The following NF1 variants were observed in gnomAD, a reference collection of about 807,000 sequenced individuals.
The protein encoded by NF1 is neurofibromin.
A neutral mutation model predicts 325.7 loss-of-function variants in NF1; 122 were observed. That is an observed-to-expected ratio of 0.37 (90% CI 0.32 to 0.44). The LOEUF is 0.44. Ranked by LOEUF, NF1 falls within the 20% of genes least tolerant of loss-of-function variation. NF1 has a pLI of 1.00. For synonymous variants in NF1, 1,091 were observed against 1,186.0 expected, an observed-to-expected ratio of 0.92 and a Z score of 1.65; for missense variants, 2,140 against 3,415.4, an observed-to-expected ratio of 0.63 and a Z score of 9.31.
At chr17:31,249,332 T>C (rs2067454946) in intron 30 of NF1, among the ~76,000 whole-genome samples, 1 of 152,234 alleles carries the variant, frequency 6.6e-6, no homozygotes, top group African/African-American at 2.4e-5. Flanking sequence ...TACTTTAAAA[T>C]ACTAAATTTT....
chr17:31,330,425 G>A lies in NF1; in HGVS notation c.5739G>A (p.Lys1913=), dbSNP rs768049324. ...CCCTCTTTATTGTCTCTATTAGTAA[G>A]ACACTGGCAGCCAATGAGCCACACC... ...NNTLFIVSIS[K]TLAANEPHLT... The change falls in exon 39 of 58, where the codon AAG becomes AAA. Residue 1913 remains lysine (K), a synonymous_variant. Transcript: ENST00000358273. 1 of 1,613,954 alleles carries A rather than the reference G, an allele frequency of 6.2e-7. No homozygotes were observed. Among genetic ancestry groups the A allele is most frequent in the South Asian group, 1.1e-5 (1 of 91,074 alleles).
chr17:31,134,390 GA>G (rs1163532690), intron 1 of NF1, among the ~76,000 whole-genome samples: 31 of 152,170 alleles, frequency 2.0e-4, no homozygotes, highest in Middle Eastern at 3.4e-3. Flanking sequence ...ATATGAATAT[GA>G]AACATGTTAT....
chr17:31,206,949 A>C (rs1464501294), intron 12 of NF1, among the ~76,000 whole-genome samples: 1 of 152,194 alleles, frequency 6.6e-6, no homozygotes, highest in African/African-American at 2.4e-5. Flanking sequence ...GGGTATTCTC[A>C]CAGATTATTA....
chr17:31,297,766 T>C (rs569277429), intron 36 of NF1, among the ~76,000 whole-genome samples: 1 of 152,326 alleles, frequency 6.6e-6, no homozygotes, highest in Admixed American at 6.5e-5. Context: ...GTGATTATTA[T>C]GTTTAATCAG....
chr17:31,164,425 A>G (rs1284735535), intron 4 of NF1, among the ~76,000 whole-genome samples: 1 of 152,204 alleles, frequency 6.6e-6, no homozygotes, highest in Non-Finnish European at 1.5e-5. Flanking sequence ...TATGCACATG[A>G]TTTGCCTTTC....
Position 31,336,597 on chromosome 17 carries a change from T to TG in NF1, c.6148-38_6148-37insG. ...TTGTGCTAAAACTTTGAGTCCCATG[T>TG]TTTTTTTTTTAAAAAAAAAAATCCT... On this transcript the variant is annotated intron_variant, in intron 41 of 57. Transcript: ENST00000358273. This position sits in a 1 kb window ranked among gnomAD's most constrained non-coding sequence, Gnocchi z 5.5. The TG allele has an allele frequency of 1.4e-6, 1 of 724,036 alleles. No homozygotes were observed. The highest frequency in any genetic ancestry group is 1.9e-6 in the Non-Finnish European group (1 of 513,526). The allele number at this position is 724,036 out of a possible 1,614,324, so 44.9% of individuals were successfully genotyped here. A position where few individuals can be genotyped will look rare whatever the true frequency, so the allele number is the denominator to read the frequency against.
intron 1 of NF1, among the ~76,000 whole-genome samples, chr17:31,116,500 A>G (rs896189572): frequency 8.5e-5 from 13 of 152,074 alleles, no homozygotes; most frequent in African/African-American, 2.9e-4. Context: ...CTGCTTAAGG[A>G]TAGAGGAAAT....
At chr17:31,149,291 T>TACACAC (rs796806933) in intron 1 of NF1, among the ~76,000 whole-genome samples, 3 of 147,198 alleles carry the variant, frequency 2.0e-5, no homozygotes, top group African/African-American at 5.0e-5. Context: ...CACACACACA[T>TACACAC]ACACACACAC....
At chr17:31,310,435 G>A (rs917852350) in intron 36 of NF1, among the ~76,000 whole-genome samples, 14 of 151,874 alleles carry the variant, frequency 9.2e-5, no homozygotes, top group Admixed American at 8.5e-4. Context: ...GTTGGGGGTG[G>A]GGGGAGATGA....
intron 1 of NF1, among the ~76,000 whole-genome samples, chr17:31,105,820 T>C (rs1218084927): frequency 1.3e-5 from 2 of 152,176 alleles, no homozygotes; most frequent in Non-Finnish European, 2.9e-5. Flanking sequence ...GGCTGAGAAC[T>C]TAACTTTTTC....
At chr17:31,116,470 C>G (rs1913924375) in intron 1 of NF1, among the ~76,000 whole-genome samples, 1 of 152,046 alleles carries the variant, frequency 6.6e-6, no homozygotes, top group Non-Finnish European at 1.5e-5. Flanking sequence ...CGTAATCTAA[C>G]TAGGACCTGT....
intron 36 of NF1, among the ~76,000 whole-genome samples, chr17:31,291,005 GAAATAAATAAATAAAT>G (rs35278712): frequency 9.4e-5 from 14 of 149,232 alleles, no homozygotes; most frequent in African/African-American, 2.5e-4. Context: ...GACTCTGTAT[GAAATAAATAAATAAAT>G]AAATAAATAA....
Position 31,142,983 on chromosome 17 carries a change from G to A in NF1, c.61-13000G>A, listed in dbSNP as rs754376100. Among the ~76,000 whole-genome samples, 44 of 152,098 alleles carry A rather than the reference G, an allele frequency of 2.9e-4. 2 individuals are homozygous for A. The highest frequency in any genetic ancestry group is 1.4e-3 in the Admixed American group (22 of 15,288). On this transcript the variant is annotated intron_variant, in intron 1 of 57. Coordinates refer to ENST00000358273, the MANE Select transcript of NF1 (RefSeq NM_001042492.3). ...TTTCCAATAAATATTCTTATTAATA[G>A]GCAAGACAACCTGATCTGTTAGTTA... is the stretch of plus-strand genomic sequence containing the variant.
At position 31,206,823 on chromosome 17, in the gene NF1, G is replaced by A. The variant is rs149403320; in HGVS notation, c.1392+452G>A. Among the ~76,000 whole-genome samples the A allele has an allele frequency of 7.9e-5, 12 of 152,120 alleles. No individual in the cohort carries two copies. The East Asian group carries it at 9.7e-4, about 12-fold the overall frequency. Reference sequence around the variant, plus strand: ...GAAATGAATAAAATTTAGAGTTTTTGTATTTAAAATAAAAATATTTTGTAT... The same window carrying A: ...GAAATGAATAAAATTTAGAGTTTTTATATTTAAAATAAAAATATTTTGTAT... On this transcript the variant is annotated intron_variant, in intron 12 of 57. Transcript: ENST00000358273.
At chr17:31,101,589 C>G (rs1912346449) in intron 1 of NF1, among the ~76,000 whole-genome samples, 1 of 152,182 alleles carries the variant, frequency 6.6e-6, no homozygotes. Context: ...TCAGTCTCTT[C>G]TGTGTGTATC....
intron 36 of NF1, among the ~76,000 whole-genome samples, chr17:31,291,970 C>T (rs1201858808): frequency 6.6e-6 from 1 of 152,168 alleles, no homozygotes; most frequent in Non-Finnish European, 1.5e-5. Context: ...ATAATCCTCA[C>T]AACAACAACA....
chr17:31,107,425 G>A (rs1395913265), intron 1 of NF1, among the ~76,000 whole-genome samples: 2 of 151,706 alleles, frequency 1.3e-5, no homozygotes, highest in African/African-American at 2.4e-5. Context: ...CCACCATGCC[G>A]GGCTAGTTTT....
chr17:31,346,818 CTTTTTTTTTTTT>C (rs59155043), intron 48 of NF1, among the ~76,000 whole-genome samples: 1 of 108,218 alleles, frequency 9.2e-6, no homozygotes, highest in African/African-American at 3.6e-5. Context: ...AAGAATTTGG[CTTTTTTTTTTTT>C]TTTTTTTTTT....
intron 40 of NF1, among the ~76,000 whole-genome samples, chr17:31,335,331 A>C (rs927468345): frequency 3.2e-4 from 10 of 30,796 alleles, no homozygotes; most frequent in African/African-American, 1.6e-3. Context: ...AAATAACTAG[A>C]TTTTATATAT....
Sources: allele counts gnomAD v4.1 joint callset (sites outside exome capture counted in the v4.1 genomes callset), GRCh38; gene constraint gnomAD v4.1.1; non-coding constraint Gnocchi (gnomAD v3.1); transcripts MANE v1.5; gene names NCBI Gene and HGNC (gene_info 2026-07-23, HGNC 2026-07-21).